ACSM2A: variants seen among roughly 807,000 people sequenced by gnomAD.
The protein encoded by ACSM2A is acyl-coenzyme A synthetase ACSM2A, mitochondrial.
A neutral mutation model predicts 76.6 loss-of-function variants in ACSM2A; 72 were observed. The ratio of observed to expected loss-of-function variants is 0.94; its 90% CI spans 0.78 to 1.14. The LOEUF (loss-of-function observed/expected upper bound fraction) is 1.14, where lower values mean the gene tolerates loss of function less well. Ranked by LOEUF, ACSM2A falls within the 50% of genes most tolerant of loss-of-function variation. The pLI is 0.00. For synonymous variants in ACSM2A, 249 were observed against 255.9 expected (o/e 0.97, Z 0.26); for missense variants, 684 against 708.5 (o/e 0.97, Z 0.39).
At chr16:20,463,428 C>T (rs1187574972) in intron 2 of ACSM2A, among the ~76,000 whole-genome samples, 5 of 151,342 alleles carry the variant, frequency 3.3e-5, no homozygotes, top group Non-Finnish European at 7.4e-5. Context: ...TTGGATCATA[C>T]GGGCAGGTCC....
chr16:20,483,600 A>AAAAAAAC (rs2014229559), intron 13 of ACSM2A, among the ~76,000 whole-genome samples: 1 of 144,080 alleles, frequency 6.9e-6, no homozygotes, highest in Non-Finnish European at 1.5e-5. Context: ...AAAAAAAAAA[A>AAAAAAAC]AAGTCTTTCT....
intron 12 of ACSM2A, 89 bp downstream of exon 12, chr16:20,481,010 G>C (rs1444075680): frequency 5.4e-6 from 8 of 1,480,512 alleles, no homozygotes; most frequent in Non-Finnish European, 6.5e-6. Flanking sequence ...CTGTGGGGCT[G>C]AACACTCTGA....
At chr16:20,459,260 C>G (rs945400697) in intron 1 of ACSM2A, among the ~76,000 whole-genome samples, 1 of 151,786 alleles carries the variant, frequency 6.6e-6, no homozygotes, top group African/African-American at 2.4e-5. Context: ...TCACAAATCA[C>G]CAATAAAGAA....
chr16:20,458,928 A>ATG, intron 1 of ACSM2A, among the ~76,000 whole-genome samples: 1 of 58,708 alleles, frequency 1.7e-5, no homozygotes, highest in South Asian at 6.5e-4. Flanking sequence ...ATATATATAT[A>ATG]TATACATATA....
At chr16:20,482,251 G>A in intron 12 of ACSM2A, 1 of 152,068 alleles carries the variant, frequency 6.6e-6, no homozygotes. Flanking sequence ...GAGGCTGGAA[G>A]GATTCTATCC....
chr16:20,462,970 C>G (rs886241436), intron 2 of ACSM2A, among the ~76,000 whole-genome samples: 1 of 151,078 alleles, frequency 6.6e-6, no homozygotes, highest in Admixed American at 6.6e-5. Context: ...TCTCAGCAAA[C>G]TATCGCAAGG....
intron 3 of ACSM2A, among the ~76,000 whole-genome samples, chr16:20,468,976 C>G (rs1005281455): frequency 6.6e-6 from 1 of 152,142 alleles, no homozygotes; most frequent in African/African-American, 2.4e-5. Flanking sequence ...AATTATAATA[C>G]CACTTTGTAC....
chr16:20,475,803 T>G (rs1629314), intron 8 of ACSM2A, 30 bp downstream of exon 8: 509,479 of 1,607,278 alleles, frequency 0.32, 89,294 homozygotes, highest in East Asian at 0.81. Context: ...CCATGGGCTG[T>G]GTGCACTTTT....
At chr16:20,483,945 T>C (rs1171778272) in intron 13 of ACSM2A, among the ~76,000 whole-genome samples, 1 of 151,922 alleles carries the variant, frequency 6.6e-6, no homozygotes, top group South Asian at 2.1e-4. Flanking sequence ...TCCTTTGTAG[T>C]GGTTTGATTT....
In ACSM2A at chr16:20,451,672, G is replaced by C. The variant is rs929180244; in HGVS notation, c.-18G>C. Reference sequence around the variant, plus strand: ...TCTCTCTAGAAAGACATCCTGAGAGGACTTGGCAGGTGAGCACTGTTTCAA... The same window carrying C: ...TCTCTCTAGAAAGACATCCTGAGAGCACTTGGCAGGTGAGCACTGTTTCAA... On this transcript the variant is annotated 5_prime_UTR_variant, in exon 1 of 14. Transcript: ENST00000573854. 1.3e-5 allele frequency: 2 copies of C among 152,118 alleles called. No homozygotes were observed. The highest frequency in any genetic ancestry group is 2.9e-5 in the Non-Finnish European group (2 of 68,292). 9.4% of individuals were successfully genotyped at this position (152,118 alleles called of 1,614,324 possible).
intron 1 of ACSM2A, among the ~76,000 whole-genome samples, chr16:20,458,474 A>G (rs971357783): frequency 6.9e-6 from 1 of 145,640 alleles, no homozygotes; most frequent in African/African-American, 2.5e-5. Flanking sequence ...TGGATATAGT[A>G]TATGTATTAT....
At chr16:20,467,385 C>T (rs1596653685) in intron 3 of ACSM2A, among the ~76,000 whole-genome samples, 1 of 150,422 alleles carries the variant, frequency 6.6e-6, no homozygotes, top group South Asian at 2.1e-4. Flanking sequence ...ACCATTGATG[C>T]ACTGAGTGAC....
rs1439237788 is a variant in ACSM2A, at chr16:20,465,024, A to T, written c.178-493A>T. Among the ~76,000 whole-genome samples, 57 of 152,246 alleles carry T rather than the reference A, an allele frequency of 3.7e-4. 1 individual carries two copies. The highest frequency in any genetic ancestry group is 3.7e-3 in the Admixed American group (57 of 15,280). Reference sequence around the variant, plus strand: ...AATCTAAAGTGATATTTGCCTTTTTATTCTAATTCTTTCACGAGTATACAA... The same window carrying T: ...AATCTAAAGTGATATTTGCCTTTTTTTTCTAATTCTTTCACGAGTATACAA... On this transcript the variant is annotated intron_variant, in intron 2 of 13. Transcript: ENST00000573854.
chr16:20,469,807 G>T, intron 4 of ACSM2A, 88 bp downstream of exon 4: 1 of 1,577,150 alleles, frequency 6.3e-7, no homozygotes, highest in Non-Finnish European at 8.7e-7. Context: ...TTGAGGAGGT[G>T]CAGAAAGAAC....
intron 3 of ACSM2A, 104 bp downstream of exon 3, chr16:20,465,831 A>T: frequency 4.7e-6 from 7 of 1,486,138 alleles, no homozygotes; most frequent in Admixed American, 2.3e-5. Flanking sequence ...TCCTTGGAGC[A>T]TGCTGTCCTG....
chr16:20,459,310 A>C lies in ACSM2A; in HGVS notation c.-8-797A>C, dbSNP rs542838043. ...ACAATTATGACAGCTGTAATTTCTA[A>C]AGTGATTGTGTTAGGTCCTGTGCAC... On this transcript the variant is annotated intron_variant, in intron 1 of 13. Transcript: ENST00000573854. 3.9e-4 allele frequency among the ~76,000 whole-genome samples: 60 copies of C among 152,262 alleles called. 1 individual carries two copies. The highest frequency in any genetic ancestry group is 1.0e-3 in the South Asian group (5 of 4,830).
chr16:20,471,279 G>T, intron 5 of ACSM2A, 63 bp downstream of exon 5: 3 of 1,577,896 alleles, frequency 1.9e-6, no homozygotes, highest in African/African-American at 2.7e-5. Context: ...AGGAGAATGA[G>T]ACCCAATTAT....
chr16:20,456,911 CAAA>C (rs61253658), intron 1 of ACSM2A, among the ~76,000 whole-genome samples: 2 of 137,888 alleles, frequency 1.5e-5, no homozygotes, highest in Non-Finnish European at 1.6e-5. Context: ...GAAGATTAAC[CAAA>C]AAAAAAAAAA....
At chr16:20,478,177 G>C (rs2013859357) in intron 9 of ACSM2A, among the ~76,000 whole-genome samples, 1 of 152,152 alleles carries the variant, frequency 6.6e-6, no homozygotes, top group Admixed American at 6.5e-5. Flanking sequence ...TCTGTTTTAT[G>C]GGCGAAAGCA....
Sources: allele counts gnomAD v4.1 joint callset (sites outside exome capture counted in the v4.1 genomes callset), GRCh38; gene constraint gnomAD v4.1.1; transcripts MANE v1.5; gene names NCBI Gene and HGNC (gene_info 2026-07-23, HGNC 2026-07-21).